Variants in DOP1B observed in about 807,000 individuals in gnomAD.
DOP1B encodes protein DOP1B.
DOP1B carries 174 observed loss-of-function variants against 233.5 expected under a neutral mutation model. The observed-to-expected ratio is 0.75, with a 90% CI of 0.66 to 0.85. The LOEUF is 0.85. Among genes scored for constraint, DOP1B ranks in the 40% least tolerant of loss-of-function variants. DOP1B has a pLI of 0.00. For missense variants in DOP1B, 2,652 were observed against 2,846.6 expected (o/e 0.93, Z 1.56); for synonymous variants, 1,190 against 1,185.6 (o/e 1.00, Z -0.08).
chr21:36,243,694 CAG>C (rs1229051510), intron 18 of DOP1B, among the ~76,000 whole-genome samples: 1 of 151,206 alleles, frequency 6.6e-6, no homozygotes, highest in Non-Finnish European at 1.5e-5. Flanking sequence ...TTTTTAGAGA[CAG>C]GGGTCTCACT....
intron 28 of DOP1B, 53 bp from the exon 29 acceptor site, chr21:36,277,922 G>A: frequency 6.9e-7 from 1 of 1,446,636 alleles, no homozygotes; most frequent in African/African-American, 1.4e-5. Context: ...GATTACAGGT[G>A]TGAGCCGTCG....
rs772277960 is a variant in DOP1B at position 36,278,194 on chromosome 21, C to A, written c.5823-15C>A. Reference sequence around the variant, plus strand: ...TCCTTGACCTTGACCCTTCTCTCTTCCCACTCCCACTCAGTGCCTACAATG... The same window carrying A: ...TCCTTGACCTTGACCCTTCTCTCTTACCACTCCCACTCAGTGCCTACAATG... On this transcript the variant is annotated splice_polypyrimidine_tract_variant and intron_variant, in intron 29 of 36. Coordinates refer to ENST00000691173, the MANE Select transcript of DOP1B (RefSeq NM_001320714.2). 5.6e-6 allele frequency: 9 copies of A among 1,613,422 alleles called. No homozygotes were observed. The African/African-American group carries it at 1.1e-4, about 19-fold the overall frequency.
rs769385559 is a variant in DOP1B at position 36,164,690 on chromosome 21, T to C, written c.-26-18T>C. The stretch of plus-strand genomic sequence containing the variant: ...CCAAATGGCTCTCTCATTTGGTTAT[T>C]TTTTGATTTGCTTTTAGATACTTTT... On this transcript the variant is annotated intron_variant, in intron 1 of 36. Coordinates refer to ENST00000691173, the MANE Select transcript of DOP1B (RefSeq NM_001320714.2). 2 of 1,516,998 alleles carry C rather than the reference T, an allele frequency of 1.3e-6. No homozygotes were observed. Among genetic ancestry groups the C allele is most frequent in the South Asian group, 2.6e-5 (2 of 77,676 alleles). 94.0% of individuals were successfully genotyped at this position (1,516,998 alleles called of 1,614,324 possible).
intron 2 of DOP1B, chr21:36,169,696 G>A (rs550286115): frequency 1.9e-5 from 17 of 907,420 alleles, no homozygotes; most frequent in East Asian, 9.6e-5. Flanking sequence ...TGTGGGCAGC[G>A]AGGCGGGTGA....
chr21:36,200,463 G>A lies in DOP1B; in HGVS notation c.453G>A (p.Leu151=). 6.2e-7 allele frequency: 1 copy of A among 1,612,370 alleles called. No homozygotes were observed. Among genetic ancestry groups the A allele is most frequent in the Non-Finnish European group, 8.5e-7 (1 of 1,179,796 alleles). ...LPSLQAFIVG[L]LPGLEEGSEI... is the part of the protein sequence containing the mutation. Reference sequence around the variant, plus strand: ...GTCTGCAGGCCTTCATCGTGGGCCTGCTGCCCGGCCTTGAAGAGGGCTCCG... The same window carrying A: ...GTCTGCAGGCCTTCATCGTGGGCCTACTGCCCGGCCTTGAAGAGGGCTCCG... Residue 151 remains leucine, a synonymous_variant, in exon 4 of 37, where the codon CTG becomes CTA. Coordinates refer to ENST00000691173, the MANE Select transcript of DOP1B (RefSeq NM_001320714.2).
At chr21:36,228,715 G>A (rs964496858) in intron 13 of DOP1B, among the ~76,000 whole-genome samples, 9 of 151,946 alleles carry the variant, frequency 5.9e-5, no homozygotes, top group Non-Finnish European at 1.0e-4. Flanking sequence ...GCAGTGAGCC[G>A]AGATAGTGCC....
chr21:36,176,103 T>TATGTGTGTGTGTGTGTGTGC lies in DOP1B; in HGVS notation c.138+11232_138+11233insATGTGTGTGTGTGTGTGTGC, dbSNP rs1029236168. Among the ~76,000 whole-genome samples, 44 of 142,038 alleles carry TATGTGTGTGTGTGTGTGTGC rather than the reference T, an allele frequency of 3.1e-4. No individual in the cohort carries two copies. The South Asian group carries it at 6.7e-3, about 22-fold the overall frequency. 93.2% of individuals were successfully genotyped at this position (142,038 alleles called of 152,430 possible). On this transcript the variant is annotated intron_variant, in intron 2 of 36. Coordinates refer to ENST00000691173, the MANE Select transcript of DOP1B (RefSeq NM_001320714.2). The stretch of plus-strand genomic sequence containing the variant: ...CGACTTTGGGGTGTGTGTGCGTGTG[T>TATGTGTGTGTGTGTGTGTGC]GTGTGTGTGTGTGTGTGTGGTGATA...
chr21:36,177,569 G>A (rs112089383), intron 2 of DOP1B, among the ~76,000 whole-genome samples: 5,627 of 152,228 alleles, frequency 0.037, 359 homozygotes, highest in African/African-American at 0.13. Flanking sequence ...TTGGGGTTGG[G>A]GGGGCCTTTA....
intron 2 of DOP1B, among the ~76,000 whole-genome samples, chr21:36,193,983 C>T (rs1391584552): frequency 6.6e-6 from 1 of 152,174 alleles, no homozygotes; most frequent in Non-Finnish European, 1.5e-5. Context: ...CTTGTAACTT[C>T]GTGAGGTATC....
At chr21:36,289,342 G>A (rs1032355428) in intron 35 of DOP1B, 136 bp downstream of exon 35, 3 of 872,880 alleles carry the variant, frequency 3.4e-6, no homozygotes, top group Non-Finnish European at 5.3e-6. Context: ...AAGCCAGCTC[G>A]GAATACCAAG....
At chr21:36,276,464 A>G (rs921013881) in intron 27 of DOP1B, among the ~76,000 whole-genome samples, 7 of 152,052 alleles carry the variant, frequency 4.6e-5, no homozygotes, top group African/African-American at 1.7e-4. Flanking sequence ...CTGGGAGGTC[A>G]AGGATAGAGT....
intron 23 of DOP1B, among the ~76,000 whole-genome samples, chr21:36,256,840 G>T (rs748630286): frequency 2.6e-5 from 4 of 151,942 alleles, no homozygotes; most frequent in African/African-American, 7.3e-5. Flanking sequence ...CCAAATATGC[G>T]GGGAGTTCTC....
intron 24 of DOP1B, chr21:36,261,925 A>AG: frequency 4.1e-6 from 4 of 980,792 alleles, no homozygotes; most frequent in Non-Finnish European, 4.8e-6. Context: ...AGGAAAAAAA[A>AG]TGGGGGTGGG....
At chr21:36,223,088 G>A in intron 10 of DOP1B, 143 bp from the exon 11 acceptor site, 2 of 741,852 alleles carry the variant, frequency 2.7e-6, no homozygotes, top group Non-Finnish European at 4.2e-6. Context: ...TATAAGAACA[G>A]TAATATTTTC....
At chr21:36,290,512 A>G (rs1415610885) in intron 35 of DOP1B, among the ~76,000 whole-genome samples, 6 of 151,956 alleles carry the variant, frequency 3.9e-5, no homozygotes, top group African/African-American at 1.5e-4. Flanking sequence ...AAAATACAAA[A>G]ATTAGGCCAG....
At chr21:36,288,914 G>C in intron 34 of DOP1B, 103 bp downstream of exon 34, 1 of 1,454,436 alleles carries the variant, frequency 6.9e-7, no homozygotes, top group Non-Finnish European at 9.4e-7. Flanking sequence ...TTATCTTGAA[G>C]TACTTGTGAA....
Position 36,276,840 on chromosome 21 carries a change from CAAAA to C in DOP1B, c.5633-165_5633-162del, listed in dbSNP as rs57389991. On this transcript the variant is annotated intron_variant, in intron 27 of 36. Transcript: ENST00000691173. ...TGGGTGACAGGGTGAGACTCCATCT[CAAAA>C]AAAAAAAAAAAAAAAGAAAAAGCTG... 6.9e-3 allele frequency among the ~76,000 whole-genome samples: 735 copies of C among 106,232 alleles called. 3 individuals are homozygous for C. Among genetic ancestry groups the C allele is most frequent in the Middle Eastern group, 0.032 (7 of 218 alleles). 69.7% of individuals were successfully genotyped at this position (106,232 alleles called of 152,430 possible). A position where few individuals can be genotyped will look rare whatever the true frequency, so the allele number is the denominator to read the frequency against.
intron 2 of DOP1B, among the ~76,000 whole-genome samples, chr21:36,186,490 C>G (rs2066167421): frequency 6.6e-6 from 1 of 152,108 alleles, no homozygotes; most frequent in Non-Finnish European, 1.5e-5. Flanking sequence ...CATGTGTACG[C>G]ATATCCAGTG....
rs559929390 is a variant in DOP1B at position 36,239,823 on chromosome 21, G to T, written c.2935G>T (p.Ala979Ser). The T allele has an allele frequency of 1.3e-6, 2 of 1,569,896 alleles. No homozygotes were observed. The highest frequency in any genetic ancestry group is 1.4e-5 in the African/African-American group (1 of 73,908). ...CACGGATGGTGCCATCGGTGCGGCAGCCCAGGGCTGGCTGGTGCGTGCGCT... is the reference window on the plus strand; with the variant it reads ...CACGGATGGTGCCATCGGTGCGGCATCCCAGGGCTGGCTGGTGCGTGCGCT... ...ACTDGAIGAA[A>S]QGWLVRALSL... Residue 979 changes from alanine to serine, a missense_variant, in exon 18 of 37, where the codon GCC (alanine) becomes TCC (serine). Transcript: ENST00000691173.
Sources: allele counts gnomAD v4.1 joint callset (sites outside exome capture counted in the v4.1 genomes callset), GRCh38; gene constraint gnomAD v4.1.1; transcripts MANE v1.5; gene names NCBI Gene and HGNC (gene_info 2026-07-23, HGNC 2026-07-21).